FHDC1: variants seen among roughly 807,000 people sequenced by gnomAD.
FHDC1 encodes the protein FH2 domain-containing protein 1.
FHDC1 carries 25 observed loss-of-function variants against 52.6 expected under a neutral mutation model. The observed-to-expected ratio is 0.48, with a 90% CI of 0.35 to 0.66. The LOEUF is 0.66. FHDC1 is among the 30% of genes least tolerant of loss of function. The probability of loss-of-function intolerance (pLI) is 0.01; values close to 1 mark genes in which losing one functional copy is unlikely to be tolerated. For synonymous variants in FHDC1, 616 were observed against 581.5 expected, an observed-to-expected ratio of 1.06 and a Z score of -0.85; for missense variants, 1,459 against 1,452.8, an observed-to-expected ratio of 1.00 and a Z score of -0.07.
intron 1 of FHDC1, among the ~76,000 whole-genome samples, chr4:152,936,707 C>T (rs1222224319): frequency 6.6e-6 from 1 of 152,268 alleles, no homozygotes; most frequent in East Asian, 1.9e-4. Context: ...TGTGGACCCG[C>T]GTCTGGAGAA....
chr4:152,960,149 TA>T (rs1740233067), intron 4 of FHDC1, among the ~76,000 whole-genome samples: 1 of 152,212 alleles, frequency 6.6e-6, no homozygotes, highest in African/African-American at 2.4e-5. Context: ...GTTTATGACT[TA>T]AAGAACCATA....
At chr4:152,971,139 G>A (rs2149959548) in intron 10 of FHDC1, among the ~76,000 whole-genome samples, 1 of 152,274 alleles carries the variant, frequency 6.6e-6, no homozygotes, top group South Asian at 2.1e-4. Flanking sequence ...GGAGGCTGAG[G>A]TGGGAGGATG....
intron 1 of FHDC1, among the ~76,000 whole-genome samples, chr4:152,940,438 A>G (rs1739544909): frequency 6.6e-6 from 1 of 152,248 alleles, no homozygotes; most frequent in Non-Finnish European, 1.5e-5. Flanking sequence ...GTCACTTTTT[A>G]CTTTGACAGT....
Position 152,979,123 on chromosome 4 carries a change from C to A in FHDC1, c.*2400C>A, listed in dbSNP as rs987626253. The A allele has an allele frequency of 6.6e-6, 1 of 152,194 alleles. No homozygotes were observed. The highest frequency in any genetic ancestry group is 1.5e-5 in the Non-Finnish European group (1 of 68,036). The allele number at this position is 152,194 out of a possible 1,614,324, so 9.4% of individuals were successfully genotyped here. ...GAGGGATCGGGACCTCTTGGAGGAA[C>A]CCTGGGTACCAAGCTCCCAGGCCCT... On this transcript the variant is annotated 3_prime_UTR_variant, in exon 12 of 12. Transcript: ENST00000511601.
rs547233763 is a variant in FHDC1 at position 152,974,887 on chromosome 4, G to T, written c.1596G>T (p.Arg532=). Residue 532 remains arginine, a synonymous_variant, in exon 12 of 12, where the codon CGG becomes CGT. Transcript: ENST00000511601. ...TCAGCCCCTCCAGCCCCTCCTACCG[G>T]CCCCCGAACACCCGCCGCTCCCGCC... ...RPISPSSPSY[R]PPNTRRSRLS... 2 of 1,596,652 alleles carry T rather than the reference G, an allele frequency of 1.3e-6. No individual in the cohort carries two copies. The highest frequency in any genetic ancestry group is 2.7e-5 in the African/African-American group (2 of 74,578).
chr4:152,930,914 G>A, the FHDC1 span, among the ~76,000 whole-genome samples: 142 of 149,206 alleles, frequency 9.5e-4, no homozygotes, highest in African/African-American at 3.2e-3. Flanking sequence ...ATCTTTCTAT[G>A]TCCTACAAAG....
chr4:152,923,315 C>G, the FHDC1 span, among the ~76,000 whole-genome samples: 1 of 152,124 alleles, frequency 6.6e-6, no homozygotes. Flanking sequence ...CGTGAAGGAC[C>G]TCTTCAAGGA....
At chr4:152,918,391 T>C in the FHDC1 span, 3 of 152,060 alleles carry the variant, frequency 2.0e-5, no homozygotes, top group East Asian at 5.8e-4. Flanking sequence ...ATGGTTTTGT[T>C]TTTCCTTACA....
At chr4:152,960,318 C>T (rs9996101) in intron 4 of FHDC1, among the ~76,000 whole-genome samples, 1,542 of 152,214 alleles carry the variant, frequency 0.01, 18 homozygotes, top group African/African-American at 0.034. Flanking sequence ...CCAGTTTACA[C>T]GAGACTGTGT....
the FHDC1 span, among the ~76,000 whole-genome samples, chr4:152,920,946 C>A: frequency 6.6e-6 from 1 of 151,498 alleles, no homozygotes; most frequent in Non-Finnish European, 1.5e-5. Context: ...TTCCTTAAAT[C>A]CTCTTGTTAT....
At chr4:152,962,712 C>T (rs1046598127) in intron 6 of FHDC1, 102 bp from the exon 7 acceptor site, 8 of 884,526 alleles carry the variant, frequency 9.0e-6, no homozygotes, top group African/African-American at 6.7e-5. Flanking sequence ...TTTAAGGTCA[C>T]AGTTTGCTTC....
chr4:152,944,396 CACAACA>C (rs144802822), intron 2 of FHDC1, among the ~76,000 whole-genome samples: 4 of 151,510 alleles, frequency 2.6e-5, no homozygotes, highest in Non-Finnish European at 5.9e-5. Flanking sequence ...ACACACAAAG[CACAACA>C]ACAACAACAA....
the FHDC1 span, among the ~76,000 whole-genome samples, chr4:152,929,425 CTG>C: frequency 2.0e-5 from 3 of 152,200 alleles, no homozygotes; most frequent in Non-Finnish European, 1.5e-5. The surrounding 1 kb of genome is among the most constrained non-coding windows in gnomAD (Gnocchi z 4.1). Context: ...TGTGTGCAAA[CTG>C]TGAGGGAGAT....
Position 152,943,280 on chromosome 4 carries a change from C to A in FHDC1, c.223C>A (p.Pro75Thr). The stretch of plus-strand genomic sequence containing the variant: ...TCCTGGGGAGCCTCCCATCCCACCT[C>A]CCCCACCAGGCCTACCCCCAACTAC... Reference protein sequence around the residue: ...PLPGEPPIPPPPPGLPPTTHM... With the variant: ...PLPGEPPIPPTPPGLPPTTHM... Residue 75 changes from proline to threonine, a missense_variant, in exon 2 of 12, where the codon CCC (proline) becomes ACC (threonine). Coordinates refer to ENST00000511601, the MANE Select transcript of FHDC1 (RefSeq NM_001371116.1). 6.3e-7 allele frequency: 1 copy of A among 1,595,382 alleles called. No homozygotes were observed. Among genetic ancestry groups the A allele is most frequent in the African/African-American group, 1.3e-5 (1 of 74,236 alleles).
At chr4:152,960,871 A>G (rs1484999676) in intron 6 of FHDC1, 27 bp downstream of exon 6, 1 of 1,509,358 alleles carries the variant, frequency 6.6e-7, no homozygotes. Context: ...TCCTTCGCAG[A>G]ATTTGTTTTT....
chr4:152,919,544 T>G, the FHDC1 span, among the ~76,000 whole-genome samples: 6 of 152,182 alleles, frequency 3.9e-5, no homozygotes, highest in Non-Finnish European at 8.8e-5. Flanking sequence ...TAGTACAATA[T>G]TATTTCTGTG....
intron 1 of FHDC1, among the ~76,000 whole-genome samples, chr4:152,939,354 T>G (rs1019814256): frequency 1.3e-5 from 2 of 152,122 alleles, no homozygotes; most frequent in African/African-American, 2.4e-5. Context: ...CAGGATAGTC[T>G]TGATCTCCTG....
chr4:152,966,830 A>C (rs2149956219), intron 9 of FHDC1, among the ~76,000 whole-genome samples: 1 of 152,266 alleles, frequency 6.6e-6, no homozygotes, highest in South Asian at 2.1e-4. Context: ...GTTAATTTGC[A>C]GAATTAGGGC....
Position 152,960,816 on chromosome 4 carries a change from T to C in FHDC1, c.822T>C (p.Asp274=), listed in dbSNP as rs1740258036. 1 of 1,605,254 alleles carries C rather than the reference T, an allele frequency of 6.2e-7. No homozygotes were observed. Among genetic ancestry groups the C allele is most frequent in the South Asian group, 1.1e-5 (1 of 88,358 alleles). Residue 274 remains aspartate, a synonymous_variant, in exon 6 of 12, where the codon GAT becomes GAC. Coordinates refer to ENST00000511601, the MANE Select transcript of FHDC1 (RefSeq NM_001371116.1). Reference sequence around the variant, plus strand: ...CTTCTTGCTCTTCTCTATATACAGATATAACAGTTTTAAGAACTGCTATAA... The same window carrying C: ...CTTCTTGCTCTTCTCTATATACAGACATAACAGTTTTAAGAACTGCTATAA... ...FLPSCSSLYT[D]ITVLRTAIKE...
Sources: gnomAD v4.1 joint callset for allele counts (sites outside exome capture counted in the v4.1 genomes callset) on GRCh38, gnomAD v4.1.1 for gene constraint, Gnocchi (gnomAD v3.1) non-coding constraint, MANE v1.5 for transcripts, NCBI Gene and HGNC (gene_info 2026-07-23, HGNC 2026-07-21) for gene names.